The following FUT8 variants were observed in gnomAD, a reference collection of about 807,000 sequenced individuals.
FUT8 encodes the protein alpha-(1,6)-fucosyltransferase.
In FUT8, 29 loss-of-function variants were observed where a neutral mutation model predicts 71.3. The ratio of observed to expected loss-of-function variants is 0.41; its 90% CI spans 0.30 to 0.55. FUT8 has a LOEUF of 0.55. Among genes scored for constraint, FUT8 ranks in the 20% least tolerant of loss-of-function variants. The pLI is 0.34. For missense variants in FUT8, 544 were observed against 702.1 expected (o/e 0.77, Z 2.55); for synonymous variants, 254 against 239.3 (o/e 1.06, Z -0.57).
At chr14:65,459,873 G>A (rs1488858887) in intron 2 of FUT8, among the ~76,000 whole-genome samples, 2 of 152,036 alleles carry the variant, frequency 1.3e-5, no homozygotes, top group African/African-American at 2.4e-5. Context: ...TTATTTTAAA[G>A]TTAAAGAATA....
intron 1 of FUT8, among the ~76,000 whole-genome samples, chr14:65,433,786 T>TCC (rs143664958): frequency 6.9e-6 from 1 of 144,870 alleles, no homozygotes; most frequent in African/African-American, 2.7e-5. Context: ...CTTCTGTCTC[T>TCC]TCTCTCTCTC....
chr14:65,463,038 C>G (rs912989928), intron 2 of FUT8, among the ~76,000 whole-genome samples: 2 of 152,096 alleles, frequency 1.3e-5, no homozygotes, highest in Non-Finnish European at 2.9e-5. Context: ...TTCAGAGACT[C>G]TCACTACATG....
Position 65,620,921 on chromosome 14 carries a change from T to C in FUT8, c.482+4548T>C, listed in dbSNP as rs370431552. ...ACATTTCTTTATGAAGTCATCCTTA[T>C]TCTGCTCATCACTTAGTCTCTATCA... On this transcript the variant is annotated intron_variant, in intron 5 of 10. Transcript: ENST00000673929. Among the ~76,000 whole-genome samples, 7 of 152,362 alleles carry C rather than the reference T, an allele frequency of 4.6e-5. No homozygotes were observed. In the East Asian group the frequency reaches 7.7e-4, roughly 17 times the overall value.
At chr14:65,586,464 A>G (rs956070018) in intron 3 of FUT8, among the ~76,000 whole-genome samples, 1 of 152,236 alleles carries the variant, frequency 6.6e-6, no homozygotes, top group African/African-American at 2.4e-5. Flanking sequence ...TTTAAAAGAT[A>G]AATTGATAAA....
chr14:65,453,315 T>A (rs1351814120), intron 1 of FUT8, among the ~76,000 whole-genome samples: 3 of 152,130 alleles, frequency 2.0e-5, no homozygotes, highest in Non-Finnish European at 4.4e-5. Flanking sequence ...CTGCAGATAT[T>A]TTTGAACTTT....
At chr14:65,469,902 C>T (rs1024401979) in intron 2 of FUT8, among the ~76,000 whole-genome samples, 3 of 152,230 alleles carry the variant, frequency 2.0e-5, no homozygotes, top group African/African-American at 4.8e-5. Flanking sequence ...AAAGGCACCA[C>T]AAGCCCCCAC....
intron 10 of FUT8, among the ~76,000 whole-genome samples, chr14:65,738,658 T>G (rs1896344065): frequency 6.6e-6 from 1 of 152,094 alleles, no homozygotes; most frequent in South Asian, 2.1e-4. Context: ...TTCATTTACC[T>G]GCCATGTGAT....
In FUT8 at chr14:65,638,390, T is replaced by C. The variant is rs1416207935; in HGVS notation, c.597+8784T>C. On this transcript the variant is annotated intron_variant, in intron 6 of 10. Coordinates refer to ENST00000673929, the MANE Select transcript of FUT8 (RefSeq NM_001371533.1). The surrounding 1 kb of genome is among the most constrained non-coding windows in gnomAD (Gnocchi z 4.5). ...CCCCCGTGTTTTGCTTGCTTTGGTT[T>C]ATGTTTTGAATAGGACTTTTACTGG... Among the ~76,000 whole-genome samples, 1 of 152,008 alleles carries C rather than the reference T, an allele frequency of 6.6e-6. No individual in the cohort carries two copies.
the FUT8 span, among the ~76,000 whole-genome samples, chr14:65,403,582 TAG>T: frequency 3.3e-5 from 5 of 152,218 alleles, no homozygotes; most frequent in African/African-American, 4.8e-5. Context: ...TCAGTTTGGT[TAG>T]AGTTAGTGTT....
chr14:65,647,536 A>G (rs17779210), intron 6 of FUT8, among the ~76,000 whole-genome samples: 9 of 152,286 alleles, frequency 5.9e-5, no homozygotes, highest in Admixed American at 5.9e-4. Context: ...TGTGCTAAGT[A>G]GATTAAAACT....
rs1566851609 is a variant in FUT8 at position 65,611,302 on chromosome 14, C to CA, written c.204-4676_204-4675insA. On this transcript the variant is annotated intron_variant, in intron 3 of 10. Transcript: ENST00000673929. ...ACACACACACACACACACACACACA[C>CA]CCCCCAAGTAATAGCCTTGATTTTG... Among the ~76,000 whole-genome samples the CA allele has an allele frequency of 7.1e-3, 272 of 38,456 alleles. 61 individuals carry two copies. The highest frequency in any genetic ancestry group is 0.038 in the African/African-American group (251 of 6,622). 25.2% of individuals were successfully genotyped at this position (38,456 alleles called of 152,430 possible).
At chr14:65,645,656 A>C (rs1038785487) in intron 6 of FUT8, among the ~76,000 whole-genome samples, 1 of 152,210 alleles carries the variant, frequency 6.6e-6, no homozygotes, top group African/African-American at 2.4e-5. Flanking sequence ...GAAAAGGAAA[A>C]AATGGTTCAT....
chr14:65,617,455 T>C (rs906770105), intron 5 of FUT8, among the ~76,000 whole-genome samples: 6 of 152,182 alleles, frequency 3.9e-5, no homozygotes, highest in Non-Finnish European at 7.3e-5. Context: ...ACTAATTCTG[T>C]CATTAATATT....
At chr14:65,529,711 C>T (rs190127793) in intron 2 of FUT8, 1 of 152,380 alleles carries the variant, frequency 6.6e-6, no homozygotes, top group Non-Finnish European at 1.5e-5. Flanking sequence ...TGTTTTGCAA[C>T]CAAGGTCTTT....
At chr14:65,577,952 T>C (rs1450911868) in intron 3 of FUT8, among the ~76,000 whole-genome samples, 1 of 152,114 alleles carries the variant, frequency 6.6e-6, no homozygotes, top group Non-Finnish European at 1.5e-5. Context: ...ATTTAGAATA[T>C]AGAAATTTTA....
the FUT8 span, among the ~76,000 whole-genome samples, chr14:65,379,542 A>C: frequency 7.1e-6 from 1 of 140,818 alleles, no homozygotes; most frequent in Non-Finnish European, 1.6e-5. Context: ...AACAAAAAAC[A>C]AAAAAAAAAA....
At chr14:65,401,051 G>C in the FUT8 span, among the ~76,000 whole-genome samples, 1 of 152,206 alleles carries the variant, frequency 6.6e-6, no homozygotes, top group African/African-American at 2.4e-5. Context: ...GGCTGAGTCA[G>C]TTGGTGAGAA....
the FUT8 span, among the ~76,000 whole-genome samples, chr14:65,389,103 C>T: frequency 7.2e-3 from 1,095 of 151,258 alleles, 14 homozygotes; most frequent in East Asian, 0.037. Context: ...AAGTGATCCT[C>T]CTGCCTTGGT....
intron 10 of FUT8, among the ~76,000 whole-genome samples, chr14:65,739,784 T>C (rs1896402849): frequency 6.6e-6 from 1 of 152,094 alleles, no homozygotes; most frequent in African/African-American, 2.4e-5. Flanking sequence ...TTCAAGCATA[T>C]GCAGACTGCC....
Sources: gnomAD v4.1 joint callset for allele counts (sites outside exome capture counted in the v4.1 genomes callset) on GRCh38, gnomAD v4.1.1 for gene constraint, Gnocchi (gnomAD v3.1) non-coding constraint, MANE v1.5 for transcripts, NCBI Gene and HGNC (gene_info 2026-07-23, HGNC 2026-07-21) for gene names.